Variants in PTPRG observed in about 807,000 individuals in gnomAD.
PTPRG encodes protein tyrosine phosphatase receptor type G.
In PTPRG, 102 loss-of-function variants were observed where a neutral mutation model predicts 165.3. The observed-to-expected ratio is 0.62, with a 90% CI of 0.53 to 0.73. The LOEUF is 0.73. PTPRG is among the 30% of genes least tolerant of loss of function. The pLI, the probability that PTPRG is intolerant of heterozygous loss-of-function variation, is 0.00. For missense variants in PTPRG, 1,866 were observed against 1,861.4 expected, an observed-to-expected ratio of 1.00 and a Z score of -0.05; for synonymous variants, 675 against 669.5, an observed-to-expected ratio of 1.01 and a Z score of -0.13.
In PTPRG at chr3:62,271,430, C is replaced by G; in HGVS notation, c.3057C>G (p.Ile1019Met). 6.2e-7 allele frequency: 1 copy of G among 1,612,252 alleles called. No individual in the cohort carries two copies. The highest frequency in any genetic ancestry group is 8.5e-7 in the Non-Finnish European group (1 of 1,178,724). Residue 1019 changes from isoleucine to methionine, a missense_variant, in exon 21 of 30, where the codon ATC becomes ATG. Ile to Met is a conservative substitution (Grantham distance 10). Coordinates refer to ENST00000474889, the MANE Select transcript of PTPRG (RefSeq NM_002841.4). This position sits in a 1 kb window ranked among gnomAD's most constrained non-coding sequence, Gnocchi z 4.1. ...GTCGTCAGAATGAAAGGGTAGTGATCCAGTATCACTATACACAGTGGCCTG... is the reference window on the plus strand; with the variant it reads ...GTCGTCAGAATGAAAGGGTAGTGATGCAGTATCACTATACACAGTGGCCTG... ...PKGRQNERVV[I>M]QYHYTQWPDM...
chr3:62,188,178 AG>A (rs1699712361), intron 8 of PTPRG, among the ~76,000 whole-genome samples: 1 of 152,212 alleles, frequency 6.6e-6, no homozygotes, highest in South Asian at 2.1e-4. Context: ...GTTCAAGACC[AG>A]CATGGGCAAC....
intron 1 of PTPRG, among the ~76,000 whole-genome samples, chr3:61,608,131 G>A (rs1311709158): frequency 1.3e-5 from 2 of 152,116 alleles, no homozygotes; most frequent in African/African-American, 2.4e-5. Flanking sequence ...CAGGGCAGAA[G>A]GCTTATCGGG....
chr3:61,616,617 C>T (rs1311900379), intron 1 of PTPRG, among the ~76,000 whole-genome samples: 2 of 152,188 alleles, frequency 1.3e-5, no homozygotes, highest in South Asian at 2.1e-4. Flanking sequence ...ACACCCTCCT[C>T]GTCTCACTTG....
intron 6 of PTPRG, among the ~76,000 whole-genome samples, chr3:62,135,825 G>A (rs188335505): frequency 8.0e-4 from 122 of 152,262 alleles, no homozygotes; most frequent in Non-Finnish European, 1.2e-3. Flanking sequence ...GAAGGCAGCT[G>A]TAAGGAAGTC....
rs148131549 is a variant in PTPRG, at chr3:62,277,311, A to G, written c.3637-240A>G. ...ACATCTAGTCTTTGAATAAATGTTG[A>G]AATTTCCCTTAAGTGAAAACAGCAG... On this transcript the variant is annotated intron_variant, in intron 25 of 29. Coordinates refer to ENST00000474889, the MANE Select transcript of PTPRG (RefSeq NM_002841.4). Among the ~76,000 whole-genome samples, 167 of 152,268 alleles carry G rather than the reference A, an allele frequency of 1.1e-3. 2 individuals carry two copies. Among genetic ancestry groups the G allele is most frequent in the Middle Eastern group, 0.01 (3 of 294 alleles).
intron 7 of PTPRG, among the ~76,000 whole-genome samples, chr3:62,165,654 C>G (rs1704943532): frequency 6.6e-6 from 1 of 152,124 alleles, no homozygotes; most frequent in South Asian, 2.1e-4. Flanking sequence ...GGCTTTTAGG[C>G]TGGTTGTGAA....
intron 1 of PTPRG, among the ~76,000 whole-genome samples, chr3:61,630,234 A>G (rs1027755398): frequency 3.3e-5 from 5 of 152,222 alleles, no homozygotes; most frequent in African/African-American, 1.2e-4. Context: ...GGAGTTGTAG[A>G]TAGAGCAGAT....
intron 1 of PTPRG, among the ~76,000 whole-genome samples, chr3:61,728,888 AAAAAG>A (rs1321630937): frequency 3.3e-5 from 5 of 151,172 alleles, no homozygotes; most frequent in African/African-American, 1.2e-4. Context: ...AAAAAAAAAA[AAAAAG>A]AAAGAAAGAA....
intron 1 of PTPRG, among the ~76,000 whole-genome samples, chr3:61,724,492 C>T (rs559958507): frequency 6.6e-6 from 1 of 152,012 alleles, no homozygotes; most frequent in South Asian, 2.1e-4. Flanking sequence ...TTTTCACTTC[C>T]CTGGGATAGT....
chr3:61,917,418 C>G (rs2038967840), intron 2 of PTPRG, among the ~76,000 whole-genome samples: 1 of 152,142 alleles, frequency 6.6e-6, no homozygotes, highest in African/African-American at 2.4e-5. Context: ...TGCTCCATGT[C>G]TAACTCATAT....
intron 1 of PTPRG, among the ~76,000 whole-genome samples, chr3:61,564,929 C>T (rs574270166): frequency 3.3e-5 from 5 of 152,220 alleles, no homozygotes; most frequent in African/African-American, 4.8e-5. Context: ...AGCCTTGGGA[C>T]CCCTACTTCT....
At chr3:62,051,659 T>C (rs1700473062) in intron 4 of PTPRG, among the ~76,000 whole-genome samples, 1 of 152,164 alleles carries the variant, frequency 6.6e-6, no homozygotes, top group Non-Finnish European at 1.5e-5. Flanking sequence ...ATAAAATTAT[T>C]CTCCAAAGTG....
chr3:61,736,004 T>C (rs2032706467), intron 1 of PTPRG, among the ~76,000 whole-genome samples: 1 of 150,958 alleles, frequency 6.6e-6, no homozygotes, highest in South Asian at 2.1e-4. Flanking sequence ...GCCTCCTGGG[T>C]TCAAGTGATT....
At chr3:61,838,803 G>C (rs1260156113) in intron 2 of PTPRG, among the ~76,000 whole-genome samples, 1 of 152,060 alleles carries the variant, frequency 6.6e-6, no homozygotes, top group Non-Finnish European at 1.5e-5. Context: ...CTGTCATTTG[G>C]AATTAGTTCT....
intron 1 of PTPRG, among the ~76,000 whole-genome samples, chr3:61,679,223 T>G (rs889082592): frequency 1.3e-5 from 2 of 152,214 alleles, no homozygotes; most frequent in Admixed American, 6.5e-5. Flanking sequence ...TCAAACTGTT[T>G]TCAAACTAAT....
chr3:62,065,975 C>T (rs28675195), intron 4 of PTPRG, among the ~76,000 whole-genome samples: 13,445 of 152,274 alleles, frequency 0.088, 657 homozygotes, highest in African/African-American at 0.14. Context: ...AAATGTTTTG[C>T]AGCAACCTTT....
At chr3:62,140,480 A>G (rs1427441291) in intron 6 of PTPRG, among the ~76,000 whole-genome samples, 1 of 152,328 alleles carries the variant, frequency 6.6e-6, no homozygotes, top group Non-Finnish European at 1.5e-5. Context: ...TGGGTAATGC[A>G]TGATTCCATT....
chr3:61,583,611 G>T (rs111682838), intron 1 of PTPRG, among the ~76,000 whole-genome samples: 19 of 152,128 alleles, frequency 1.2e-4, no homozygotes, highest in African/African-American at 3.9e-4. Flanking sequence ...TCTCCTCTCT[G>T]TGTTCTTGAT....
chr3:61,639,541 A>T (rs1025000322), intron 1 of PTPRG, among the ~76,000 whole-genome samples: 1 of 151,942 alleles, frequency 6.6e-6, no homozygotes, highest in Non-Finnish European at 1.5e-5. Flanking sequence ...CCAATCCATG[A>T]GCATGGGAGG....
Sources: gnomAD v4.1 joint callset for allele counts (sites outside exome capture counted in the v4.1 genomes callset) on GRCh38, gnomAD v4.1.1 for gene constraint, Gnocchi (gnomAD v3.1) non-coding constraint, MANE v1.5 for transcripts, NCBI Gene and HGNC (gene_info 2026-07-23, HGNC 2026-07-21) for gene names.